Variants in DOCK9 observed in about 807,000 individuals in gnomAD.
DOCK9 encodes dedicator of cytokinesis protein 9.
DOCK9 carries 89 observed loss-of-function variants against 263.3 expected under a neutral mutation model. The observed-to-expected ratio is 0.34, with a 90% CI of 0.28 to 0.40. The LOEUF (loss-of-function observed/expected upper bound fraction) is 0.40, where lower values mean the gene tolerates loss of function less well. DOCK9 is among the 10% of genes least tolerant of loss of function. The pLI is 1.00. For missense variants in DOCK9, 2,140 were observed against 2,603.4 expected (o/e 0.82, Z 3.87); for synonymous variants, 976 against 973.1 (o/e 1.00, Z -0.06).
intron 48 of DOCK9, among the ~76,000 whole-genome samples, chr13:98,807,204 G>A (rs893841108): frequency 5.3e-5 from 8 of 152,264 alleles, no homozygotes; most frequent in South Asian, 4.1e-4. Flanking sequence ...GAAAATGATC[G>A]CCATTCCCAC....
At chr13:98,838,291 CA>C (rs1046791739) in intron 38 of DOCK9, among the ~76,000 whole-genome samples, 6 of 152,176 alleles carry the variant, frequency 3.9e-5, no homozygotes, top group Admixed American at 3.9e-4. Context: ...GTATCTACCT[CA>C]AAGGGTTGTG....
intron 45 of DOCK9, among the ~76,000 whole-genome samples, chr13:98,810,880 G>A (rs1389373401): frequency 6.6e-6 from 1 of 152,170 alleles, no homozygotes; most frequent in Non-Finnish European, 1.5e-5. Context: ...ACACTAATCA[G>A]CACAAATCTA....
intron 45 of DOCK9, among the ~76,000 whole-genome samples, chr13:98,814,199 A>G (rs953786766): frequency 6.6e-6 from 1 of 152,250 alleles, no homozygotes; most frequent in African/African-American, 2.4e-5. Flanking sequence ...CACGAGTCAT[A>G]AAAGTGTCAT....
chr13:98,835,210 G>A (rs1185342372), intron 39 of DOCK9, among the ~76,000 whole-genome samples: 1 of 152,228 alleles, frequency 6.6e-6, no homozygotes, highest in African/African-American at 2.4e-5. Context: ...GGCCAATTAA[G>A]AGAGTCAGTA....
chr13:98,984,167 G>A (rs763856017), intron 1 of DOCK9, among the ~76,000 whole-genome samples: 2 of 152,182 alleles, frequency 1.3e-5, no homozygotes, highest in African/African-American at 2.4e-5. Context: ...CAAGGAGACC[G>A]AGGCCTGGAG....
At chr13:98,879,569 T>C (rs1346257132) in intron 27 of DOCK9, among the ~76,000 whole-genome samples, 1 of 152,192 alleles carries the variant, frequency 6.6e-6, no homozygotes, top group African/African-American at 2.4e-5. Flanking sequence ...GGAAAAGACA[T>C]ATTTTTCTTT....
chr13:98,974,748 CAAAAAAAAAAA>C (rs57196019), intron 1 of DOCK9, among the ~76,000 whole-genome samples: 2 of 33,206 alleles, frequency 6.0e-5, no homozygotes, highest in African/African-American at 1.1e-4. Context: ...AACTCTGTCT[CAAAAAAAAAAA>C]AAAAAAAAAA....
At position 98,831,344 on chromosome 13, in the gene DOCK9, G is replaced by A. The variant is rs757869565; in HGVS notation, c.4635+4C>T. On this transcript the variant is annotated splice_donor_region_variant and intron_variant, in intron 41 of 52. Transcript: ENST00000682017. ...TCTGTATTGGAAAGCTAAACCACAC[G>A]CACTTGCAAATGTGTCCGGACAAAG... The A allele has an allele frequency of 5.4e-5, 86 of 1,599,718 alleles. No homozygotes were observed. Among genetic ancestry groups the A allele is most frequent in the African/African-American group, 4.1e-4 (31 of 74,826 alleles).
chr13:98,885,022 C>T lies in DOCK9; in HGVS notation c.2331G>A (p.Ser777=), dbSNP rs373591749. 2.4e-5 allele frequency: 38 copies of T among 1,613,498 alleles called. No individual in the cohort carries two copies. Among genetic ancestry groups the T allele is most frequent in the African/African-American group, 5.3e-5 (4 of 74,868 alleles). ...VVTSEQHIPV[S]ANLPSGYLGY... is the part of the protein sequence containing the mutation. ...CAAGATAGCCCGAAGGAAGGTTCGCCGAGACCGGGATGTGCTGCTCGCTTG... is the reference window on the plus strand; with the variant it reads ...CAAGATAGCCCGAAGGAAGGTTCGCTGAGACCGGGATGTGCTGCTCGCTTG... Residue 777 remains serine (S), a synonymous_variant, in exon 21 of 53, where the codon TCG becomes TCA. Coordinates refer to ENST00000682017, the MANE Select transcript of DOCK9 (RefSeq NM_001366683.2).
At position 98,831,372 on chromosome 13, in the gene DOCK9, C is replaced by T. The variant is rs1191622907; in HGVS notation, c.4611G>A (p.Lys1537=). 1 of 1,605,198 alleles carries T rather than the reference C, an allele frequency of 6.2e-7. No individual in the cohort carries two copies. Among genetic ancestry groups the T allele is most frequent in the African/African-American group, 1.3e-5 (1 of 74,904 alleles). ...CTTGCAAATGTGTCCGGACAAAGGA[C>T]TTCTTTCCAGTGTAATCAAAGTTGT... ...MRNNFDYTGK[K]SFVRTHLQVI... is the part of the protein sequence containing the mutation. Residue 1537 remains lysine (K), a synonymous_variant, in exon 41 of 53, where the codon AAG becomes AAA. Coordinates refer to ENST00000682017, the MANE Select transcript of DOCK9 (RefSeq NM_001366683.2).
intron 15 of DOCK9, among the ~76,000 whole-genome samples, chr13:98,896,803 G>C (rs531778775): frequency 6.6e-6 from 1 of 152,300 alleles, no homozygotes; most frequent in Non-Finnish European, 1.5e-5. Context: ...ATTGTTATGG[G>C]TTGAATTGTG....
intron 9 of DOCK9, among the ~76,000 whole-genome samples, chr13:98,905,356 C>T (rs1463685874): frequency 6.6e-6 from 1 of 152,120 alleles, no homozygotes; most frequent in Non-Finnish European, 1.5e-5. Flanking sequence ...GAGAGCATAT[C>T]AACAGGTAAT....
At chr13:99,085,190 G>A (rs1233598041) in intron 1 of DOCK9, among the ~76,000 whole-genome samples, 2 of 152,168 alleles carry the variant, frequency 1.3e-5, no homozygotes, top group Non-Finnish European at 2.9e-5. Flanking sequence ...TGTGTTAAGG[G>A]GCCCGGCACT....
At chr13:98,860,654 A>T in intron 32 of DOCK9, 132 bp from the exon 33 acceptor site, 10 of 506,372 alleles carry the variant, frequency 2.0e-5, no homozygotes, top group Non-Finnish European at 2.7e-5. Flanking sequence ...GCATGGGAGG[A>T]GTAGCCTTGA....
chr13:99,049,468 A>G (rs1210464070), intron 1 of DOCK9, among the ~76,000 whole-genome samples: 1 of 152,214 alleles, frequency 6.6e-6, no homozygotes, highest in African/African-American at 2.4e-5. Context: ...AAAAGAAAAG[A>G]AAAAGACAAA....
chr13:99,021,365 C>A (rs1265054080), intron 1 of DOCK9, among the ~76,000 whole-genome samples: 2 of 152,126 alleles, frequency 1.3e-5, no homozygotes, highest in Non-Finnish European at 1.5e-5. Context: ...GAAGGCCAGG[C>A]GTGGTGGCTC....
At chr13:98,920,836 G>T in intron 7 of DOCK9, 118 bp downstream of exon 7, 1 of 984,240 alleles carries the variant, frequency 1.0e-6, no homozygotes, top group Non-Finnish European at 1.4e-6. Flanking sequence ...AAAGTTATAT[G>T]TTATATTTCT....
chr13:99,038,287 CCTTTT>C (rs1888106323), intron 1 of DOCK9, among the ~76,000 whole-genome samples: 2 of 48,834 alleles, frequency 4.1e-5, no homozygotes, highest in African/African-American at 7.6e-5. Context: ...TTTATGCCCC[CCTTTT>C]TTTTTTTTTT....
intron 7 of DOCK9, among the ~76,000 whole-genome samples, chr13:98,916,779 G>GAA (rs566208438): frequency 1.6e-3 from 243 of 152,168 alleles, no homozygotes; most frequent in African/African-American, 5.7e-3. Context: ...TAAAAGTGGA[G>GAA]AAAAAAACAT....
Sources: allele counts gnomAD v4.1 joint callset (sites outside exome capture counted in the v4.1 genomes callset), GRCh38; gene constraint gnomAD v4.1.1; transcripts MANE v1.5; gene names NCBI Gene and HGNC (gene_info 2026-07-23, HGNC 2026-07-21).